MYMX: variants seen among roughly 807,000 people sequenced by gnomAD.
MYMX encodes the protein myomixer, myoblast fusion factor, also known as protein myomixer.
At chr6:44,197,941 T>A in the MYMX span, among the ~76,000 whole-genome samples, 2 of 152,066 alleles carry the variant, frequency 1.3e-5, no homozygotes, top group African/African-American at 4.8e-5. Flanking sequence ...TTTTCAATTA[T>A]ATGGACTGCA....
chr6:44,200,729 C>G, the MYMX span, among the ~76,000 whole-genome samples: 1 of 152,152 alleles, frequency 6.6e-6, no homozygotes, highest in Non-Finnish European at 1.5e-5. Context: ...GCTCCTCTGT[C>G]CACCCTCATC....
chr6:44,211,104 A>G, the MYMX span, among the ~76,000 whole-genome samples: 1 of 152,356 alleles, frequency 6.6e-6, no homozygotes, highest in African/African-American at 2.4e-5. Flanking sequence ...CTCTGTCTAA[A>G]TAAATAAATA....
upstream of MYMX, among the ~76,000 whole-genome samples, chr6:44,213,683 G>T (rs948874290): frequency 1.3e-5 from 2 of 152,200 alleles, no homozygotes; most frequent in African/African-American, 4.8e-5. Flanking sequence ...GCCTCCCAGA[G>T]TGCTGGGATT....
At chr6:44,207,041 A>T in the MYMX span, among the ~76,000 whole-genome samples, 1 of 152,200 alleles carries the variant, frequency 6.6e-6, no homozygotes, top group African/African-American at 2.4e-5. Flanking sequence ...CAGAGAGAGG[A>T]CAACTGCTGT....
chr6:44,204,922 C>A, the MYMX span, among the ~76,000 whole-genome samples: 3 of 152,122 alleles, frequency 2.0e-5, no homozygotes, highest in African/African-American at 7.2e-5. Flanking sequence ...TACCAAGAAG[C>A]AATATTTTTT....
At chr6:44,202,275 C>T in the MYMX span, among the ~76,000 whole-genome samples, 2 of 152,154 alleles carry the variant, frequency 1.3e-5, no homozygotes, top group East Asian at 1.9e-4. Flanking sequence ...GTTGTCATGT[C>T]TGGCCCGATT....
chr6:44,201,062 AG>A, the MYMX span, among the ~76,000 whole-genome samples: 1 of 152,108 alleles, frequency 6.6e-6, no homozygotes, highest in African/African-American at 2.4e-5. Flanking sequence ...AGGCATATCC[AG>A]TGTGTGTCCC....
At chr6:44,198,128 A>C in the MYMX span, among the ~76,000 whole-genome samples, 1 of 150,088 alleles carries the variant, frequency 6.7e-6, no homozygotes, top group South Asian at 2.1e-4. Flanking sequence ...TATACAACAC[A>C]TAATTCTCTA....
upstream of MYMX, among the ~76,000 whole-genome samples, chr6:44,216,452 C>A (rs1458440541): frequency 6.6e-6 from 1 of 151,790 alleles, no homozygotes; most frequent in Non-Finnish European, 1.5e-5. Context: ...GAGTTTGAGA[C>A]CAGCCTGACC....
the MYMX span, among the ~76,000 whole-genome samples, chr6:44,207,902 A>C: frequency 6.6e-6 from 1 of 152,104 alleles, no homozygotes; most frequent in Non-Finnish European, 1.5e-5. Context: ...GGTTCGAGTC[A>C]CTTCTGGAAT....
chr6:44,198,987 A>G, the MYMX span, among the ~76,000 whole-genome samples: 1 of 152,054 alleles, frequency 6.6e-6, no homozygotes, highest in Non-Finnish European at 1.5e-5. Flanking sequence ...CAACTGTTCC[A>G]GCCCTATTTC....
the MYMX span, among the ~76,000 whole-genome samples, chr6:44,203,619 G>A: frequency 0.024 from 3,610 of 152,188 alleles, 131 homozygotes; most frequent in African/African-American, 0.08. Flanking sequence ...GGAAATATGC[G>A]GCCTTCCATT....
upstream of MYMX, among the ~76,000 whole-genome samples, chr6:44,214,965 G>A (rs1775783436): frequency 6.6e-6 from 1 of 152,152 alleles, no homozygotes; most frequent in African/African-American, 2.4e-5. Flanking sequence ...AATAGCACAT[G>A]GTCATCATAC....
chr6:44,197,186 A>C, the MYMX span, among the ~76,000 whole-genome samples: 337 of 152,316 alleles, frequency 2.2e-3, 2 homozygotes, highest in African/African-American at 7.0e-3. Context: ...CAGTGAGCCG[A>C]GATCGAGTCA....
the MYMX span, chr6:44,209,735 AACCCTGTCTCT>A: frequency 2.6e-5 from 4 of 151,808 alleles, no homozygotes; most frequent in Admixed American, 2.0e-4. Flanking sequence ...AACATGGTGC[AACCCTGTCTCT>A]ACTAAAAATA....
the MYMX span, among the ~76,000 whole-genome samples, chr6:44,205,212 A>G: frequency 1.3e-5 from 2 of 152,050 alleles, no homozygotes; most frequent in African/African-American, 4.8e-5. Flanking sequence ...GGAGGTCTGC[A>G]TGACCTAGAG....
At chr6:44,199,269 T>A in the MYMX span, among the ~76,000 whole-genome samples, 3 of 152,168 alleles carry the variant, frequency 2.0e-5, no homozygotes, top group African/African-American at 7.2e-5. Context: ...CTATCATGGT[T>A]CACTGTAGTC....
chr6:44,198,194 G>C, the MYMX span, among the ~76,000 whole-genome samples: 1 of 109,308 alleles, frequency 9.1e-6, no homozygotes, highest in African/African-American at 3.7e-5. Flanking sequence ...ATAGAGTCTC[G>C]CTCTGTCACC....
the MYMX span, among the ~76,000 whole-genome samples, chr6:44,199,406 C>T: frequency 6.6e-6 from 1 of 152,006 alleles, no homozygotes; most frequent in Non-Finnish European, 1.5e-5. Flanking sequence ...TCATGTTGCC[C>T]AGGCTGATCT....
Sources: gnomAD v4.1 joint callset for allele counts (sites outside exome capture counted in the v4.1 genomes callset) on GRCh38, gnomAD v4.1.1 for gene constraint, MANE v1.5 for transcripts, NCBI Gene and HGNC (gene_info 2026-07-23, HGNC 2026-07-21) for gene names.